The following PRDM7 variants were observed in gnomAD, a reference collection of about 807,000 sequenced individuals.
PRDM7 encodes histone-lysine N-methyltransferase PRDM7.
In PRDM7, 52 loss-of-function variants were observed where a neutral mutation model predicts 64.3. The ratio of observed to expected loss-of-function variants is 0.81; its 90% confidence interval spans 0.65 to 1.02. PRDM7 has a LOEUF of 1.02. Among genes scored for constraint, PRDM7 ranks in the 50% least tolerant of loss-of-function variants. The pLI, the probability that PRDM7 is intolerant of heterozygous loss-of-function variation, is 0.00. For missense variants in PRDM7, 574 were observed against 597.1 expected (o/e 0.96, Z 0.40); for synonymous variants, 192 against 210.1 (o/e 0.91, Z 0.74).
intron 9 of PRDM7, 137 bp from the exon 10 acceptor site, chr16:90,060,760 T>G: frequency 8.2e-7 from 1 of 1,216,154 alleles, no homozygotes; most frequent in Non-Finnish European, 1.2e-6. Context: ...ACTCCAGACT[T>G]ACCTCCACCT....
chr16:90,057,773 G>A lies in PRDM7; in HGVS notation c.*516C>T. ...TGAAGCCACCTCAGAGCTGGGGTGT[G>A]CAAGTGTGTGGTGATCACGTTTGTC... On this transcript the variant is annotated 3_prime_UTR_variant, in exon 11 of 11. Coordinates refer to ENST00000449207, the MANE Select transcript of PRDM7 (RefSeq NM_001098173.2). 1 of 1,326,182 alleles carries A rather than the reference G, an allele frequency of 7.5e-7. No individual in the cohort carries two copies. The highest frequency in any genetic ancestry group is 9.9e-7 in the Non-Finnish European group (1 of 1,006,274). The allele number at this position is 1,326,182 out of a possible 1,614,324, so 82.2% of individuals were successfully genotyped here. A position where few individuals can be genotyped will look rare whatever the true frequency, so the allele number is the denominator to read the frequency against.
In PRDM7 at chr16:90,058,357, T is replaced by C; in HGVS notation, c.1411A>G (p.Ile471Val). 4 of 1,614,202 alleles carry C rather than the reference T, an allele frequency of 2.5e-6. No homozygotes were observed. Among genetic ancestry groups the C allele is most frequent in the Non-Finnish European group, 3.4e-6 (4 of 1,180,036 alleles). The change falls in exon 11 of 11, where the codon ATT (isoleucine) becomes GTT (valine). Residue 471 changes from isoleucine to valine, a missense_variant. By Grantham distance (29) the Ile-to-Val change is conservative. Coordinates refer to ENST00000449207, the MANE Select transcript of PRDM7 (RefSeq NM_001098173.2). ...AQGIRIRSGN[I>V]LIHAAVMTKP... is the part of the protein sequence containing the mutation. Reference sequence around the variant, plus strand: ...GTCATTACAGCAGCGTGGATCAGAATATTGCCGCTCCTGATTCTGATCCCC... The same window carrying C: ...GTCATTACAGCAGCGTGGATCAGAACATTGCCGCTCCTGATTCTGATCCCC...
chr16:90,066,961 C>T, intron 4 of PRDM7, 51 bp from the exon 5 acceptor site: 1 of 1,484,138 alleles, frequency 6.7e-7, no homozygotes, highest in South Asian at 1.1e-5. Context: ...TTTCCAAACT[C>T]TAGAGATTTT....
chr16:90,069,335 A>G (rs1372740686), intron 4 of PRDM7, among the ~76,000 whole-genome samples: 1 of 151,394 alleles, frequency 6.6e-6, no homozygotes, highest in Non-Finnish European at 1.5e-5. Flanking sequence ...CTCTTACCAC[A>G]TATCTCATAT....
At chr16:90,067,308 G>C (rs1380099880) in intron 4 of PRDM7, among the ~76,000 whole-genome samples, 1 of 151,130 alleles carries the variant, frequency 6.6e-6, no homozygotes, top group Non-Finnish European at 1.5e-5. Context: ...TTCTGAATCA[G>C]AGAGTGATGA....
In PRDM7 at chr16:90,068,675, T is replaced by C. The variant is rs79489758; in HGVS notation, c.302-1765A>G. On this transcript the variant is annotated intron_variant, in intron 4 of 10. Transcript: ENST00000449207. ...AAAGAAGTAATACATGAATTCAGCA[T>C]ACAAAAGCAACACCCCAAATCAGTT... Among the ~76,000 whole-genome samples, 1,205 of 148,616 alleles carry C rather than the reference T, an allele frequency of 8.1e-3. 81 individuals carry two copies. The highest frequency in any genetic ancestry group is 0.029 in the African/African-American group (1,169 of 39,902).
chr16:90,072,256 C>T (rs1270608152), intron 4 of PRDM7, among the ~76,000 whole-genome samples: 2 of 150,282 alleles, frequency 1.3e-5, no homozygotes, highest in East Asian at 2.0e-4. Flanking sequence ...GAATTAAAAA[C>T]GATCTCAAAG....
chr16:90,057,594 G>T lies in PRDM7; in HGVS notation c.*695C>A. ...ACAAAAAATGGAGGGGATCAGTGCGGGAAACAACCACACATGTTGACGTCC... is the reference window on the plus strand; with the variant it reads ...ACAAAAAATGGAGGGGATCAGTGCGTGAAACAACCACACATGTTGACGTCC... On this transcript the variant is annotated 3_prime_UTR_variant, in exon 11 of 11. Transcript: ENST00000449207. The T allele has an allele frequency of 2.8e-6, 2 of 720,584 alleles. No individual in the cohort carries two copies. The highest frequency in any genetic ancestry group is 1.9e-5 in the African/African-American group (1 of 53,824). 44.6% of individuals were successfully genotyped at this position (720,584 alleles called of 1,614,324 possible).
intron 1 of PRDM7, among the ~76,000 whole-genome samples, chr16:90,076,252 A>G (rs2038034948): frequency 1.3e-5 from 2 of 152,136 alleles, no homozygotes; most frequent in Non-Finnish European, 2.9e-5. Flanking sequence ...AGGGTGGCAC[A>G]GGTGCCTGGA....
At position 90,057,854 on chromosome 16, in the gene PRDM7, C is replaced by G; in HGVS notation, c.*435G>C. On this transcript the variant is annotated 3_prime_UTR_variant, in exon 11 of 11. Transcript: ENST00000449207. ...ACTAATGACTTACTCATCCTTCCTG[C>G]AGACTGGGGCGTCTCCCCTGTGTGT... 1 of 1,516,604 alleles carries G rather than the reference C, an allele frequency of 6.6e-7. No homozygotes were observed. The highest frequency in any genetic ancestry group is 8.9e-7 in the Non-Finnish European group (1 of 1,117,854). The allele number at this position is 1,516,604 out of a possible 1,614,324, so 93.9% of individuals were successfully genotyped here. A position where few individuals can be genotyped will look rare whatever the true frequency, so the allele number is the denominator to read the frequency against.
chr16:90,073,849 T>C (rs2037997004), intron 4 of PRDM7, among the ~76,000 whole-genome samples: 1 of 151,446 alleles, frequency 6.6e-6, no homozygotes, highest in African/African-American at 2.4e-5. Flanking sequence ...GTGGCACGAT[T>C]TCGGCTCACT....
intron 7 of PRDM7, 96 bp from the exon 8 acceptor site, chr16:90,062,288 C>A: frequency 1.2e-6 from 2 of 1,613,678 alleles, no homozygotes; most frequent in Middle Eastern, 1.7e-4. Context: ...TATTTAGCCC[C>A]AATCCTGTAC....
chr16:90,062,413 C>T lies in PRDM7; in HGVS notation c.598G>A (p.Asp200Asn). 1 of 1,614,130 alleles carries T rather than the reference C, an allele frequency of 6.2e-7. No homozygotes were observed. The highest frequency in any genetic ancestry group is 8.5e-7 in the Non-Finnish European group (1 of 1,179,970). The change falls in exon 7 of 11, where the codon GAT becomes AAT. Residue 200 changes from aspartate (D) to asparagine (N), a missense_variant. By Grantham distance (23) the Asp-to-Asn change is conservative. Transcript: ENST00000449207. Reference sequence around the variant, plus strand: ...AAGGGTCACTCACAGAGGTAGTCATCATCCTGTGGCTCGCTGATCTCTTTG... The same window carrying T: ...AAGGGTCACTCACAGAGGTAGTCATTATCCTGTGGCTCGCTGATCTCTTTG... ...AYKEISEPQD[D>N]DYLYCEMCQN...
chr16:90,074,476 C>G (rs2038006922), intron 4 of PRDM7, among the ~76,000 whole-genome samples: 1 of 151,674 alleles, frequency 6.6e-6, no homozygotes. Flanking sequence ...ACTCGAGAAG[C>G]TGAGGTGGGA....
At chr16:90,071,279 A>C (rs2037951872) in intron 4 of PRDM7, among the ~76,000 whole-genome samples, 1 of 152,128 alleles carries the variant, frequency 6.6e-6, no homozygotes, top group Non-Finnish European at 1.5e-5. Context: ...ATACAGGTGC[A>C]TGCCACCATG....
chr16:90,060,909 A>C (rs2037765411), intron 9 of PRDM7, among the ~76,000 whole-genome samples: 1 of 152,188 alleles, frequency 6.6e-6, no homozygotes, highest in Admixed American at 6.5e-5. Flanking sequence ...GCTCAAGTCC[A>C]TCTTTCTTTG....
intron 4 of PRDM7, among the ~76,000 whole-genome samples, chr16:90,074,283 GTCATCATCATCATCATCATCATCATCA>G (rs59691191): frequency 1.4e-5 from 2 of 147,858 alleles, no homozygotes; most frequent in Non-Finnish European, 3.0e-5. Context: ...AATCATCATC[GTCATCATCATCATCATCATCATCATCA>G]TCATCATCAT....
chr16:90,061,243 A>G (rs868164539), intron 9 of PRDM7, among the ~76,000 whole-genome samples: 3 of 152,230 alleles, frequency 2.0e-5, no homozygotes, highest in Admixed American at 6.5e-5. Flanking sequence ...TGTCTAGCAT[A>G]CATATTTGTG....
chr16:90,069,228 T>G (rs2037922659), intron 4 of PRDM7, among the ~76,000 whole-genome samples: 1 of 151,218 alleles, frequency 6.6e-6, no homozygotes, highest in African/African-American at 2.5e-5. Flanking sequence ...CAAATGATCT[T>G]CAGCAATGAT....
Sources: allele counts gnomAD v4.1 joint callset (sites outside exome capture counted in the v4.1 genomes callset), GRCh38; gene constraint gnomAD v4.1.1; transcripts MANE v1.5; gene names NCBI Gene and HGNC (gene_info 2026-07-23, HGNC 2026-07-21).